The following VWA5A variants were observed in gnomAD, a reference collection of about 807,000 sequenced individuals.
The protein encoded by VWA5A is von Willebrand factor A domain-containing protein 5A.
In VWA5A, 77 loss-of-function variants were observed where a neutral mutation model predicts 84.6. That is an observed-to-expected ratio of 0.91 (90% CI 0.76 to 1.10). The LOEUF is 1.10. VWA5A is among the 50% of genes least tolerant of loss of function. The probability of loss-of-function intolerance (pLI) is 0.00; values close to 1 mark genes in which losing one functional copy is unlikely to be tolerated. For synonymous variants in VWA5A, 334 were observed against 350.1 expected, an observed-to-expected ratio of 0.95 and a Z score of 0.51; for missense variants, 973 against 963.0, an observed-to-expected ratio of 1.01 and a Z score of -0.14.
rs1394670017 is a variant in VWA5A, at chr11:124,118,333, C to T, written c.391C>T (p.Gln131Ter). The change falls in exon 5 of 19, where the codon CAG (glutamine) becomes TAG (stop). Residue 131 changes from glutamine (Q) to a stop codon, truncating the protein, a stop_gained. Coordinates refer to ENST00000456829, the MANE Select transcript of VWA5A (RefSeq NM_001130142.2). LOFTEE classifies it high-confidence loss of function. ...GGCGGCAGTCACCCTGAAGTATGTG[C>T]AGGAGCTGCCTCTGGAAGCAGATGG... Reference protein sequence around the residue: ...SKAAVTLKYVQELPLEADGAL... With the variant: ...SKAAVTLKYV The T allele has an allele frequency of 6.2e-7, 1 of 1,614,222 alleles. No individual in the cohort carries two copies. Among genetic ancestry groups the T allele is most frequent in the South Asian group, 1.1e-5 (1 of 91,082 alleles).
At chr11:124,136,507 T>A in intron 13 of VWA5A, 67 bp from the exon 14 acceptor site, 1 of 1,548,772 alleles carries the variant, frequency 6.5e-7, no homozygotes, top group Non-Finnish European at 8.9e-7. Context: ...CTGCCCCTGT[T>A]CTGATCCTTC....
chr11:124,126,346 G>A (rs117994250), intron 11 of VWA5A, among the ~76,000 whole-genome samples: 272 of 152,300 alleles, frequency 1.8e-3, no homozygotes, highest in Non-Finnish European at 3.2e-3. Flanking sequence ...ACTATATTGA[G>A]CATTCCAGTC....
intron 11 of VWA5A, among the ~76,000 whole-genome samples, chr11:124,134,286 T>C (rs1395747691): frequency 6.6e-6 from 1 of 152,182 alleles, no homozygotes; most frequent in Non-Finnish European, 1.5e-5. Flanking sequence ...TAAACCAAAA[T>C]TGCAGGGTAT....
intron 11 of VWA5A, among the ~76,000 whole-genome samples, chr11:124,132,381 C>T (rs1018804542): frequency 6.6e-6 from 1 of 151,926 alleles, no homozygotes; most frequent in African/African-American, 2.4e-5. Context: ...TTTCCTTGCT[C>T]CAAAAGGTTT....
chr11:124,121,355 T>G (rs1196377539), intron 7 of VWA5A, among the ~76,000 whole-genome samples: 1 of 152,200 alleles, frequency 6.6e-6, no homozygotes, highest in Non-Finnish European at 1.5e-5. Flanking sequence ...AAGTACATTA[T>G]ATTACTTAAC....
chr11:124,124,411 G>C (rs554655815), intron 11 of VWA5A, 95 bp downstream of exon 11: 1 of 1,467,494 alleles, frequency 6.8e-7, no homozygotes, highest in Non-Finnish European at 9.0e-7. Flanking sequence ...TCCTTCAAGA[G>C]GACCAAATGA....
intron 11 of VWA5A, among the ~76,000 whole-genome samples, chr11:124,127,976 A>G (rs188119418): frequency 1.1e-3 from 170 of 152,184 alleles, no homozygotes; most frequent in African/African-American, 3.9e-3. Flanking sequence ...TGTTCACTGT[A>G]ATGATAGTTT....
At chr11:124,137,766 C>T (rs138515983) in intron 15 of VWA5A, among the ~76,000 whole-genome samples, 35 of 152,298 alleles carry the variant, frequency 2.3e-4, no homozygotes, top group Admixed American at 1.3e-3. Flanking sequence ...TCTTCTCCTC[C>T]ACTCCCCTCT....
intron 18 of VWA5A, 49 bp downstream of exon 18, chr11:124,145,412 C>T (rs761896570): frequency 1.4e-5 from 22 of 1,553,490 alleles, no homozygotes; most frequent in Admixed American, 5.5e-5. Flanking sequence ...CCTGGCCTGG[C>T]GGAAGGTGAC....
chr11:124,147,003 C>G lies in VWA5A; in HGVS notation c.*1058C>G, dbSNP rs545853795. The G allele has an allele frequency of 6.0e-6, 1 of 166,704 alleles. No individual in the cohort carries two copies. The highest frequency in any genetic ancestry group is 1.9e-4 in the East Asian group (1 of 5,188). The allele number at this position is 166,704 out of a possible 1,614,324, so 10.3% of individuals were successfully genotyped here. A position where few individuals can be genotyped will look rare whatever the true frequency, so the allele number is the denominator to read the frequency against. ...AGCCAAACTAGGATAGTAAATTGAC[C>G]GGAACACAGTTGTGGAAATTTGACC... On this transcript the variant is annotated 3_prime_UTR_variant, in exon 19 of 19. Coordinates refer to ENST00000456829, the MANE Select transcript of VWA5A (RefSeq NM_001130142.2).
rs1325550560 is a variant in VWA5A, at chr11:124,118,260, C to T, written c.318C>T (p.Ser106=). The T allele has an allele frequency of 6.2e-7, 1 of 1,614,196 alleles. No individual in the cohort carries two copies. Among genetic ancestry groups the T allele is most frequent in the Admixed American group, 1.7e-5 (1 of 60,018 alleles). ...TCTTATTGGAGGGGGACAGCAGCTC[C>T]AGGGATGTCTTCTCTTGCAATGTGG... is the stretch of plus-strand genomic sequence containing the variant. ...QAFLLEGDSS[S]RDVFSCNVGN... Residue 106 remains serine, a synonymous_variant, in exon 5 of 19, where the codon TCC becomes TCT. Coordinates refer to ENST00000456829, the MANE Select transcript of VWA5A (RefSeq NM_001130142.2).
chr11:124,129,672 A>G (rs1175444302), intron 11 of VWA5A, among the ~76,000 whole-genome samples: 1 of 152,216 alleles, frequency 6.6e-6, no homozygotes, highest in Non-Finnish European at 1.5e-5. Flanking sequence ...TTATTGGTCT[A>G]TTCAGGGATT....
intron 11 of VWA5A, among the ~76,000 whole-genome samples, chr11:124,132,832 G>A (rs559222882): frequency 5.1e-4 from 77 of 152,064 alleles, no homozygotes; most frequent in Non-Finnish European, 9.9e-4. Context: ...AACATCTTGA[G>A]ACAGATGCTT....
intron 11 of VWA5A, among the ~76,000 whole-genome samples, chr11:124,133,197 T>C (rs1473894491): frequency 6.6e-6 from 1 of 152,240 alleles, no homozygotes; most frequent in African/African-American, 2.4e-5. Context: ...AGTCAGGGTC[T>C]GATGAACTTC....
chr11:124,117,990 G>A (rs1490674528), intron 4 of VWA5A, 115 bp downstream of exon 4: 15 of 1,378,410 alleles, frequency 1.1e-5, no homozygotes, highest in Non-Finnish European at 1.4e-5. Context: ...TGCTGATGTT[G>A]AAAGCTCTTT....
intron 11 of VWA5A, among the ~76,000 whole-genome samples, chr11:124,127,307 G>A (rs1865032933): frequency 6.6e-6 from 1 of 152,092 alleles, no homozygotes; most frequent in Non-Finnish European, 1.5e-5. Flanking sequence ...GAGAATGATG[G>A]TTTCCAACTT....
chr11:124,142,715 G>C, intron 17 of VWA5A, 143 bp downstream of exon 17: 2 of 1,110,342 alleles, frequency 1.8e-6, no homozygotes, highest in Non-Finnish European at 2.5e-6. Flanking sequence ...GAGGCTGAAG[G>C]TTTTTCCAGT....
At position 124,146,544 on chromosome 11, in the gene VWA5A, G is replaced by A. The variant is rs1860825237; in HGVS notation, c.*599G>A. The A allele has an allele frequency of 6.6e-6, 1 of 152,418 alleles. No homozygotes were observed. The highest frequency in any genetic ancestry group is 1.5e-5 in the Non-Finnish European group (1 of 68,222). 9.4% of individuals were successfully genotyped at this position (152,418 alleles called of 1,614,324 possible). ...CTTTGCTAGCCTGTACAACCTACATGTCTTTTCTTCCACTGCCTGAAAGAC... is the reference window on the plus strand; with the variant it reads ...CTTTGCTAGCCTGTACAACCTACATATCTTTTCTTCCACTGCCTGAAAGAC... On this transcript the variant is annotated 3_prime_UTR_variant, in exon 19 of 19. Transcript: ENST00000456829.
In VWA5A at chr11:124,142,485, T is replaced by C; in HGVS notation, c.2067T>C (p.Asn689=). 1 of 1,614,178 alleles carries C rather than the reference T, an allele frequency of 6.2e-7. No individual in the cohort carries two copies. Among genetic ancestry groups the C allele is most frequent in the African/African-American group, 1.3e-5 (1 of 75,032 alleles). The change falls in exon 17 of 19, where the codon AAT becomes AAC. Residue 689 remains asparagine (N), a synonymous_variant. Coordinates refer to ENST00000456829, the MANE Select transcript of VWA5A (RefSeq NM_001130142.2). ...NHLVQLIYHQ[N]ANGSWDLNED... ...TTGTGCAGCTGATTTACCACCAAAA[T>C]GCAAATGGTTCCTGGGATCTGAATG...
Sources: gnomAD v4.1 joint callset for allele counts (sites outside exome capture counted in the v4.1 genomes callset) on GRCh38, gnomAD v4.1.1 for gene constraint, MANE v1.5 for transcripts, NCBI Gene and HGNC (gene_info 2026-07-23, HGNC 2026-07-21) for gene names.